LHFPL3: variants seen among roughly 807,000 people sequenced by gnomAD.
The protein encoded by LHFPL3 is LHFPL tetraspan subfamily member 3 protein.
A neutral mutation model predicts 19.3 loss-of-function variants in LHFPL3; 5 were observed. That is an observed-to-expected ratio of 0.26 (90% confidence interval 0.14 to 0.54). The LOEUF (loss-of-function observed/expected upper bound fraction) is 0.54, where lower values mean the gene tolerates loss of function less well. Among genes scored for constraint, LHFPL3 ranks in the 20% least tolerant of loss-of-function variants. The pLI is 0.94. For missense variants in LHFPL3, 249 were observed against 307.4 expected (o/e 0.81, Z 1.42); for synonymous variants, 133 against 126.2 (o/e 1.05, Z -0.36).
At chr7:104,824,822 A>G (rs1790784970) in intron 2 of LHFPL3, among the ~76,000 whole-genome samples, 3 of 126,670 alleles carry the variant, frequency 2.4e-5, no homozygotes, top group East Asian at 2.1e-4. Context: ...ATAATGATAT[A>G]TTATATAATT....
At chr7:104,864,107 C>G (rs2116642300) in intron 2 of LHFPL3, among the ~76,000 whole-genome samples, 1 of 152,286 alleles carries the variant, frequency 6.6e-6, no homozygotes, top group East Asian at 1.9e-4. Flanking sequence ...TAAACAGAGC[C>G]CCTTCTGTGT....
intron 1 of LHFPL3, among the ~76,000 whole-genome samples, chr7:104,488,337 T>G (rs536911810): frequency 6.6e-6 from 1 of 152,134 alleles, no homozygotes; most frequent in Non-Finnish European, 1.5e-5. Context: ...AACAGAAACA[T>G]GTACATATCA....
chr7:104,425,351 G>C (rs1311896370), intron 1 of LHFPL3, among the ~76,000 whole-genome samples: 1 of 147,100 alleles, frequency 6.8e-6, no homozygotes, highest in African/African-American at 2.6e-5. Context: ...TGTGACCTTT[G>C]TTGACCTCTC....
intron 1 of LHFPL3, among the ~76,000 whole-genome samples, chr7:104,584,257 A>G (rs150804884): frequency 0.19 from 28,295 of 151,668 alleles, 2,857 homozygotes; most frequent in East Asian, 0.38. Context: ...GAATTGAACA[A>G]TGAGAACACA....
At chr7:104,630,268 G>A (rs1791616623) in intron 1 of LHFPL3, among the ~76,000 whole-genome samples, 1 of 152,166 alleles carries the variant, frequency 6.6e-6, no homozygotes, top group Non-Finnish European at 1.5e-5. Context: ...AATAGTGTGT[G>A]AGAAGGTCTA....
intron 1 of LHFPL3, among the ~76,000 whole-genome samples, chr7:104,436,182 T>C (rs1792100825): frequency 6.6e-6 from 1 of 152,176 alleles, no homozygotes; most frequent in Non-Finnish European, 1.5e-5. Context: ...ATATAATATA[T>C]TGTTATATTA....
At chr7:104,609,097 T>A (rs1408215415) in intron 1 of LHFPL3, among the ~76,000 whole-genome samples, 14 of 151,890 alleles carry the variant, frequency 9.2e-5, no homozygotes, top group Non-Finnish European at 5.9e-5. Flanking sequence ...AAACCCTGTA[T>A]CTACTAAAAA....
intron 2 of LHFPL3, among the ~76,000 whole-genome samples, chr7:104,864,583 T>C (rs148263127): frequency 2.0e-5 from 3 of 151,934 alleles, no homozygotes; most frequent in South Asian, 2.1e-4. Flanking sequence ...GCGCCCGCCA[T>C]TGCAGACCAG....
chr7:104,410,627 A>C (rs1254862748), intron 1 of LHFPL3, among the ~76,000 whole-genome samples: 1 of 152,240 alleles, frequency 6.6e-6, no homozygotes, highest in Non-Finnish European at 1.5e-5. Flanking sequence ...CCACTAAGTC[A>C]TTTGTGAGTT....
chr7:104,337,374 T>C (rs1410334086), intron 1 of LHFPL3, among the ~76,000 whole-genome samples: 6 of 152,194 alleles, frequency 3.9e-5, no homozygotes, highest in African/African-American at 9.6e-5. Flanking sequence ...GGCTTAAAAA[T>C]GTATTGGCAC....
At chr7:104,569,590 A>G (rs1025565205) in intron 1 of LHFPL3, among the ~76,000 whole-genome samples, 6 of 152,248 alleles carry the variant, frequency 3.9e-5, no homozygotes, top group Non-Finnish European at 1.5e-5. Context: ...TAGCATAGCC[A>G]TCATTTCACA....
intron 2 of LHFPL3, among the ~76,000 whole-genome samples, chr7:104,862,305 A>C (rs1365891310): frequency 6.6e-6 from 1 of 152,150 alleles, no homozygotes; most frequent in Non-Finnish European, 1.5e-5. Flanking sequence ...AAATGGGGTG[A>C]AAATGAACTT....
At chr7:104,542,041 A>G (rs1794495377) in intron 1 of LHFPL3, among the ~76,000 whole-genome samples, 1 of 151,984 alleles carries the variant, frequency 6.6e-6, no homozygotes, top group Non-Finnish European at 1.5e-5. Flanking sequence ...TGGGCATCTC[A>G]GTGCAGTGCT....
chr7:104,594,003 G>A (rs551139511), intron 1 of LHFPL3, among the ~76,000 whole-genome samples: 1 of 152,182 alleles, frequency 6.6e-6, no homozygotes, highest in Admixed American at 6.5e-5. Flanking sequence ...TTGCCACTGT[G>A]TATCTTTTAA....
chr7:104,427,329 G>A (rs1296360966), intron 1 of LHFPL3, among the ~76,000 whole-genome samples: 1 of 152,170 alleles, frequency 6.6e-6, no homozygotes, highest in Admixed American at 6.5e-5. Context: ...TGAACTTAAT[G>A]ATAACTCCAC....
chr7:104,668,812 T>C, intron 1 of LHFPL3: 1 of 1,597,504 alleles, frequency 6.3e-7, no homozygotes, highest in Non-Finnish European at 8.5e-7. Context: ...CCACTCGAGC[T>C]GCTTCTATCT....
chr7:104,474,261 C>T, intron 1 of LHFPL3, among the ~76,000 whole-genome samples: 1 of 152,062 alleles, frequency 6.6e-6, no homozygotes, highest in South Asian at 2.1e-4. Context: ...TGCTTCAAAA[C>T]ACCTACAAAG....
At chr7:104,618,614 T>A (rs1791389675) in intron 1 of LHFPL3, among the ~76,000 whole-genome samples, 1 of 152,086 alleles carries the variant, frequency 6.6e-6, no homozygotes, top group East Asian at 1.9e-4. Context: ...TTAATGAAAA[T>A]CTTATTTGGG....
At chr7:104,432,508 C>T (rs774782152) in intron 1 of LHFPL3, among the ~76,000 whole-genome samples, 5 of 152,190 alleles carry the variant, frequency 3.3e-5, no homozygotes, top group African/African-American at 4.8e-5. Context: ...TCACCCTCCA[C>T]GTCCTCTGGA....
Sources: allele counts gnomAD v4.1 joint callset (sites outside exome capture counted in the v4.1 genomes callset), GRCh38; gene constraint gnomAD v4.1.1; transcripts MANE v1.5; gene names NCBI Gene and HGNC (gene_info 2026-07-23, HGNC 2026-07-21).